Variants in CDYL2 observed in about 807,000 individuals in gnomAD.
The protein encoded by CDYL2 is chromodomain Y-like protein 2.
Under a neutral mutation model 49.4 loss-of-function variants are expected in CDYL2, and 23 were observed. That is an observed-to-expected ratio of 0.47 (90% CI 0.34 to 0.66). CDYL2 has a LOEUF of 0.66. CDYL2 is among the 30% of genes least tolerant of loss of function. CDYL2 has a pLI of 0.01. For synonymous variants in CDYL2, 360 were observed against 268.8 expected (o/e 1.34, Z -3.32); for missense variants, 678 against 656.4 (o/e 1.03, Z -0.36).
chr16:80,709,561 G>GACACAC (rs10673992), intron 1 of CDYL2, among the ~76,000 whole-genome samples: 7,035 of 143,676 alleles, frequency 0.049, 220 homozygotes, highest in Non-Finnish European at 0.059. Context: ...GGAATAAACA[G>GACACAC]ACACACACAC....
intron 4 of CDYL2, among the ~76,000 whole-genome samples, chr16:80,619,720 T>A (rs1367044622): frequency 6.6e-6 from 1 of 152,240 alleles, no homozygotes; most frequent in Non-Finnish European, 1.5e-5. Context: ...AGGCTCGTCA[T>A]GTCTCTTCTG....
intron 1 of CDYL2, among the ~76,000 whole-genome samples, chr16:80,704,809 G>C (rs538783631): frequency 6.6e-6 from 1 of 152,230 alleles, no homozygotes; most frequent in Non-Finnish European, 1.5e-5. Flanking sequence ...AGCCAAAAGG[G>C]ACTGGGGCAT....
chr16:80,791,232 T>G (rs1160974809), intron 1 of CDYL2, among the ~76,000 whole-genome samples: 1 of 152,276 alleles, frequency 6.6e-6, no homozygotes, highest in South Asian at 2.1e-4. Flanking sequence ...AGGAAACACA[T>G]TCAAGAATTA....
At chr16:80,607,985 C>T (rs981123702) in intron 6 of CDYL2, 107 bp downstream of exon 6, 1 of 1,328,110 alleles carries the variant, frequency 7.5e-7, no homozygotes, top group Non-Finnish European at 1.0e-6. Flanking sequence ...TTTGCTTATT[C>T]CCTGTGCGAC....
intron 1 of CDYL2, among the ~76,000 whole-genome samples, chr16:80,714,170 T>G (rs1469135211): frequency 6.6e-6 from 1 of 152,188 alleles, no homozygotes; most frequent in Non-Finnish European, 1.5e-5. Flanking sequence ...ACTGTCCCAG[T>G]CTCACGACCC....
At chr16:80,631,426 T>C (rs1907556228) in intron 3 of CDYL2, among the ~76,000 whole-genome samples, 1 of 152,242 alleles carries the variant, frequency 6.6e-6, no homozygotes, top group African/African-American at 2.4e-5. Flanking sequence ...TCCTGCCATG[T>C]ACCCTGTATT....
At chr16:80,735,035 A>G (rs1330408134) in intron 1 of CDYL2, 2 of 152,170 alleles carry the variant, frequency 1.3e-5, no homozygotes, top group African/African-American at 4.8e-5. Flanking sequence ...CAAAAGCCAC[A>G]TTTATCTCCC....
At chr16:80,630,345 C>A (rs1907504859) in intron 3 of CDYL2, among the ~76,000 whole-genome samples, 1 of 152,208 alleles carries the variant, frequency 6.6e-6, no homozygotes, top group African/African-American at 2.4e-5. Context: ...GATGAGTGGG[C>A]AACAGTTACC....
At chr16:80,658,560 T>A (rs187341998) in intron 2 of CDYL2, among the ~76,000 whole-genome samples, 1 of 152,252 alleles carries the variant, frequency 6.6e-6, no homozygotes, top group East Asian at 1.9e-4. Flanking sequence ...TGTGGAGAAA[T>A]AGGATTCTCT....
At chr16:80,715,690 T>A (rs573791026) in intron 1 of CDYL2, among the ~76,000 whole-genome samples, 2 of 152,142 alleles carry the variant, frequency 1.3e-5, no homozygotes, top group Non-Finnish European at 2.9e-5. Context: ...ATTGCTCAAA[T>A]GAGAACATGT....
In CDYL2 at chr16:80,804,232, C is replaced by A; in HGVS notation, c.-59G>T. 1 of 1,320,312 alleles carries A rather than the reference C, an allele frequency of 7.6e-7. No homozygotes were observed. The highest frequency in any genetic ancestry group is 9.9e-7 in the Non-Finnish European group (1 of 1,006,362). 81.8% of individuals were successfully genotyped at this position (1,320,312 alleles called of 1,614,324 possible). A position where few individuals can be genotyped will look rare whatever the true frequency, so the allele number is the denominator to read the frequency against. On this transcript the variant is annotated 5_prime_UTR_variant, in exon 1 of 7. Transcript: ENST00000570137. ...CGTCTGCTCGCTCGCGCCCTCCGTG[C>A]GTGTGCGCGCGGGGTCCGGTGTGCG...
At chr16:80,639,512 T>C (rs908990466) in intron 2 of CDYL2, among the ~76,000 whole-genome samples, 2 of 152,184 alleles carry the variant, frequency 1.3e-5, no homozygotes, top group African/African-American at 4.8e-5. Context: ...GCAACATTAT[T>C]CAGCAATAAA....
At chr16:80,717,616 C>G (rs756823435) in intron 1 of CDYL2, among the ~76,000 whole-genome samples, 1 of 152,196 alleles carries the variant, frequency 6.6e-6, no homozygotes, top group Non-Finnish European at 1.5e-5. Flanking sequence ...GACACCTTCT[C>G]CAGTCTCCTC....
chr16:80,611,358 G>T (rs1906586354), intron 5 of CDYL2, among the ~76,000 whole-genome samples: 1 of 152,188 alleles, frequency 6.6e-6, no homozygotes, highest in Admixed American at 6.5e-5. Context: ...CTGAGATCCA[G>T]ATGGGACCCG....
chr16:80,794,760 T>G (rs1907719310), intron 1 of CDYL2, among the ~76,000 whole-genome samples: 1 of 151,912 alleles, frequency 6.6e-6, no homozygotes. Context: ...TACAGGCATG[T>G]GCCACCACAC....
chr16:80,677,760 AAAAT>A (rs1269905717), intron 2 of CDYL2, among the ~76,000 whole-genome samples: 3 of 151,528 alleles, frequency 2.0e-5, no homozygotes, highest in African/African-American at 7.3e-5. Flanking sequence ...AATAAAAATA[AAAAT>A]AAATAAATAA....
intron 1 of CDYL2, among the ~76,000 whole-genome samples, chr16:80,725,825 C>G (rs763723059): frequency 6.6e-6 from 1 of 152,194 alleles, no homozygotes; most frequent in African/African-American, 2.4e-5. Flanking sequence ...TTCTACGACC[C>G]GGATGAGGGA....
chr16:80,758,752 C>T (rs1193565119), intron 1 of CDYL2, among the ~76,000 whole-genome samples: 11 of 151,840 alleles, frequency 7.2e-5, no homozygotes, highest in Admixed American at 1.3e-4. Flanking sequence ...CCGTGTTAGC[C>T]AGGATGGTTT....
chr16:80,755,819 T>C (rs1906291727), intron 1 of CDYL2, among the ~76,000 whole-genome samples: 1 of 152,118 alleles, frequency 6.6e-6, no homozygotes, highest in South Asian at 2.1e-4. Flanking sequence ...ACAACACCCA[T>C]AGAAGATGTT....
Sources: allele counts gnomAD v4.1 joint callset (sites outside exome capture counted in the v4.1 genomes callset), GRCh38; gene constraint gnomAD v4.1.1; transcripts MANE v1.5; gene names NCBI Gene and HGNC (gene_info 2026-07-23, HGNC 2026-07-21).